Variants in ABHD18 observed in about 807,000 individuals in gnomAD.
ABHD18 encodes the protein cardiolipin-specific deacylase, mitochondrial.
Under a neutral mutation model 65.9 loss-of-function variants are expected in ABHD18, and 55 were observed. The observed-to-expected ratio is 0.84, with a 90% CI of 0.67 to 1.05. The LOEUF (loss-of-function observed/expected upper bound fraction) is 1.05. ABHD18 is among the 50% of genes least tolerant of loss of function. The pLI is 0.00. For synonymous variants in ABHD18, 181 were observed against 180.2 expected (o/e 1.00, Z -0.04); for missense variants, 533 against 558.5 (o/e 0.95, Z 0.46).
At chr4:128,003,959 A>C (rs1169808500) in intron 4 of ABHD18, among the ~76,000 whole-genome samples, 3 of 150,668 alleles carry the variant, frequency 2.0e-5, no homozygotes, top group South Asian at 2.1e-4. Context: ...AAAAAAAAAA[A>C]AAACAAAAAA....
chr4:128,009,336 A>G (rs1241529421), intron 6 of ABHD18, 145 bp downstream of exon 6: 1 of 456,938 alleles, frequency 2.2e-6, no homozygotes, highest in Non-Finnish European at 3.7e-6. Flanking sequence ...GCAAGAATCA[A>G]AAGGAGTGAA....
intron 8 of ABHD18, 31 bp downstream of exon 8, chr4:128,017,532 T>C (rs367806048): frequency 7.9e-5 from 122 of 1,547,536 alleles, no homozygotes; most frequent in Non-Finnish European, 1.0e-4. Context: ...TTACATTTAA[T>C]TATGTTTATG....
At chr4:127,969,928 T>A (rs961401646) in intron 1 of ABHD18, among the ~76,000 whole-genome samples, 3 of 152,044 alleles carry the variant, frequency 2.0e-5, no homozygotes. Flanking sequence ...CAAAATTTTT[T>A]TGTAGAGACA....
At chr4:128,016,447 GT>G (rs1181120399) in intron 7 of ABHD18, among the ~76,000 whole-genome samples, 1 of 152,016 alleles carries the variant, frequency 6.6e-6, no homozygotes, top group East Asian at 1.9e-4. Context: ...CTAGTGTTTG[GT>G]TAAATTCTTT....
At chr4:127,979,891 G>A (rs1748682016) in intron 1 of ABHD18, among the ~76,000 whole-genome samples, 1 of 138,224 alleles carries the variant, frequency 7.2e-6, no homozygotes, top group Non-Finnish European at 1.5e-5. Flanking sequence ...ACTCCAGCCT[G>A]AGCGACAGAG....
chr4:127,970,590 A>G (rs1394381258), intron 1 of ABHD18, among the ~76,000 whole-genome samples: 1 of 127,152 alleles, frequency 7.9e-6, no homozygotes, highest in Admixed American at 7.7e-5. Flanking sequence ...ACTCTGTCTC[A>G]AAAAAAAAAA....
chr4:127,999,695 T>C (rs146035856), intron 4 of ABHD18, among the ~76,000 whole-genome samples: 10 of 152,348 alleles, frequency 6.6e-5, no homozygotes, highest in African/African-American at 1.9e-4. Flanking sequence ...TAGACCTTTA[T>C]TGAACGCAAG....
At chr4:127,983,840 G>C (rs1190626097) in intron 2 of ABHD18, among the ~76,000 whole-genome samples, 1 of 152,098 alleles carries the variant, frequency 6.6e-6, no homozygotes, top group African/African-American at 2.4e-5. Context: ...ACACCAGCCA[G>C]TGCGAGACTC....
In ABHD18 at chr4:128,035,816, G is replaced by T; in HGVS notation, c.*3G>T. The T allele has an allele frequency of 6.5e-7, 1 of 1,527,036 alleles. No homozygotes were observed. Among genetic ancestry groups the T allele is most frequent in the South Asian group, 1.2e-5 (1 of 82,078 alleles). 94.6% of individuals were successfully genotyped at this position (1,527,036 alleles called of 1,614,324 possible). Reference sequence around the variant, plus strand: ...TCCTCCATAAATACGCTAACTAGTTGGATTATTATATGTAACCAGTGTGGC... The same window carrying T: ...TCCTCCATAAATACGCTAACTAGTTTGATTATTATATGTAACCAGTGTGGC... On this transcript the variant is annotated 3_prime_UTR_variant, in exon 13 of 13. Coordinates refer to ENST00000645843, the MANE Select transcript of ABHD18 (RefSeq NM_001358451.3).
At chr4:127,970,231 T>C (rs780905574) in intron 1 of ABHD18, among the ~76,000 whole-genome samples, 1 of 152,094 alleles carries the variant, frequency 6.6e-6, no homozygotes, top group African/African-American at 2.4e-5. Context: ...GGATTCTACT[T>C]ATTGTTATTG....
intron 2 of ABHD18, 141 bp from the exon 3 acceptor site, chr4:127,984,198 G>A: frequency 4.1e-6 from 2 of 492,706 alleles, no homozygotes; most frequent in Non-Finnish European, 7.5e-6. Context: ...AATCGCTTCA[G>A]TGATCAAAAT....
chr4:127,993,044 A>G (rs909753176), intron 4 of ABHD18, among the ~76,000 whole-genome samples: 2 of 152,088 alleles, frequency 1.3e-5, no homozygotes, highest in African/African-American at 4.8e-5. Flanking sequence ...ACTGCACCCC[A>G]GCCTGGGTGA....
chr4:128,027,094 T>C (rs554743112), intron 10 of ABHD18, among the ~76,000 whole-genome samples: 1 of 152,274 alleles, frequency 6.6e-6, no homozygotes, highest in Admixed American at 6.5e-5. Flanking sequence ...ACTGTACCTT[T>C]TCTATGATTA....
chr4:128,019,936 G>C (rs1326042070), intron 8 of ABHD18, 144 bp from the exon 9 acceptor site: 1 of 492,722 alleles, frequency 2.0e-6, no homozygotes, highest in African/African-American at 1.9e-5. Context: ...ATTTAATGAG[G>C]TGGCTAGACA....
chr4:128,008,599 C>G (rs1754035231), intron 4 of ABHD18, among the ~76,000 whole-genome samples: 1 of 151,906 alleles, frequency 6.6e-6, no homozygotes, highest in South Asian at 2.1e-4. Flanking sequence ...TTAAGACTTA[C>G]TCATATATAG....
intron 4 of ABHD18, among the ~76,000 whole-genome samples, chr4:127,994,137 G>A (rs1751361997): frequency 6.6e-6 from 1 of 152,180 alleles, no homozygotes. Context: ...TTAAAGAACA[G>A]TTTTAAGACT....
chr4:128,011,791 A>T, intron 7 of ABHD18, 91 bp downstream of exon 7: 1 of 534,416 alleles, frequency 1.9e-6, no homozygotes, highest in Non-Finnish European at 2.9e-6. Flanking sequence ...CCATTTCTAA[A>T]TTGAATACCT....
intron 4 of ABHD18, chr4:128,001,770 C>G (rs1271756678): frequency 1.3e-6 from 2 of 1,543,772 alleles, no homozygotes; most frequent in East Asian, 4.9e-5. Flanking sequence ...TGTAGGTAAC[C>G]AGTTATTTCT....
intron 4 of ABHD18, among the ~76,000 whole-genome samples, chr4:128,002,705 G>A (rs1030732529): frequency 3.9e-5 from 6 of 152,048 alleles, no homozygotes; most frequent in African/African-American, 7.2e-5. Flanking sequence ...GTACAGTGGC[G>A]TGATCTGGGC....
Sources: allele counts gnomAD v4.1 joint callset (sites outside exome capture counted in the v4.1 genomes callset), GRCh38; gene constraint gnomAD v4.1.1; transcripts MANE v1.5; gene names NCBI Gene and HGNC (gene_info 2026-07-23, HGNC 2026-07-21).